CNTNAP2: variants seen among roughly 807,000 people sequenced by gnomAD.
CNTNAP2 encodes contactin associated protein 2.
CNTNAP2 carries 98 observed loss-of-function variants against 155.2 expected under a neutral mutation model. The observed-to-expected ratio is 0.63, with a 90% CI of 0.54 to 0.75. The LOEUF is 0.75. CNTNAP2 is among the 30% of genes least tolerant of loss of function. The pLI, the probability that CNTNAP2 is intolerant of heterozygous loss-of-function variation, is 0.00. For synonymous variants in CNTNAP2, 651 were observed against 631.2 expected, an observed-to-expected ratio of 1.03 and a Z score of -0.47; for missense variants, 1,727 against 1,688.1, an observed-to-expected ratio of 1.02 and a Z score of -0.40.
chr7:147,037,065 T>G (rs183403117), intron 3 of CNTNAP2, among the ~76,000 whole-genome samples: 1 of 152,160 alleles, frequency 6.6e-6, no homozygotes, highest in Admixed American at 6.5e-5. Flanking sequence ...TGCAGAGGAC[T>G]TTGGGTGCTG....
intron 15 of CNTNAP2, among the ~76,000 whole-genome samples, chr7:147,988,028 A>G (rs1019354395): frequency 6.6e-6 from 1 of 152,192 alleles, no homozygotes; most frequent in African/African-American, 2.4e-5. Context: ...ATGAGACATC[A>G]ATCAAATACA....
intron 20 of CNTNAP2, among the ~76,000 whole-genome samples, chr7:148,237,078 A>C (rs1469811509): frequency 6.6e-6 from 1 of 152,154 alleles, no homozygotes; most frequent in East Asian, 1.9e-4. Flanking sequence ...TCAAGTCCCT[A>C]ATATTCATTC....
chr7:146,784,979 T>A (rs976442953), intron 2 of CNTNAP2, among the ~76,000 whole-genome samples: 1 of 152,026 alleles, frequency 6.6e-6, no homozygotes, highest in Admixed American at 6.6e-5. Flanking sequence ...TTTGCTTTTT[T>A]TTTTTTTTTC....
chr7:146,671,433 A>ACACACACACACACC (rs1230476123), intron 1 of CNTNAP2, among the ~76,000 whole-genome samples: 1 of 151,342 alleles, frequency 6.6e-6, no homozygotes, highest in Non-Finnish European at 1.5e-5. Flanking sequence ...TGTCACTCAC[A>ACACACACACACACC]CACACACACA....
At chr7:147,162,708 T>A (rs989310384) in intron 8 of CNTNAP2, among the ~76,000 whole-genome samples, 1 of 152,106 alleles carries the variant, frequency 6.6e-6, no homozygotes, top group Non-Finnish European at 1.5e-5. Flanking sequence ...TTTCAGCACA[T>A]CTAGAAGCAT....
Position 146,846,633 on chromosome 7 carries a change from G to C in CNTNAP2, c.402+6729G>C, listed in dbSNP as rs139761785. Reference sequence around the variant, plus strand: ...GTATGGTGAGATTCTCATTTTCAAAGGTCATGAGGTTTCTTGGGACAATTT... The same window carrying C: ...GTATGGTGAGATTCTCATTTTCAAACGTCATGAGGTTTCTTGGGACAATTT... On this transcript the variant is annotated intron_variant, in intron 3 of 23. Coordinates refer to ENST00000361727, the MANE Select transcript of CNTNAP2 (RefSeq NM_014141.6). Among the ~76,000 whole-genome samples, 82 of 152,174 alleles carry C rather than the reference G, an allele frequency of 5.4e-4. 2 individuals are homozygous for C. The highest frequency in any genetic ancestry group is 3.9e-4 in the African/African-American group (16 of 41,540).
chr7:146,967,845 T>C (rs1227222646), intron 3 of CNTNAP2, among the ~76,000 whole-genome samples: 3 of 151,940 alleles, frequency 2.0e-5, no homozygotes, highest in African/African-American at 4.8e-5. Context: ...TCCAACACTA[T>C]GTTGAATAGG....
chr7:147,343,320 T>C (rs17170430), intron 9 of CNTNAP2, among the ~76,000 whole-genome samples: 30,376 of 151,998 alleles, frequency 0.2, 3,565 homozygotes, highest in African/African-American at 0.31. Context: ...ATATAATGAG[T>C]AGCTTACTTT....
intron 1 of CNTNAP2, among the ~76,000 whole-genome samples, chr7:146,270,565 AAG>A (rs1800065594): frequency 6.6e-6 from 1 of 152,190 alleles, no homozygotes; most frequent in Admixed American, 6.5e-5. Context: ...AGAAGAAAAG[AAG>A]ATAACTTTTA....
chr7:148,162,314 T>C (rs1440638724), intron 17 of CNTNAP2, among the ~76,000 whole-genome samples: 1 of 152,218 alleles, frequency 6.6e-6, no homozygotes, highest in Non-Finnish European at 1.5e-5. Flanking sequence ...GGCTGATATA[T>C]TTGACATCTG....
intron 1 of CNTNAP2, among the ~76,000 whole-genome samples, chr7:146,684,328 G>A (rs754877941): frequency 6.6e-6 from 1 of 152,042 alleles, no homozygotes; most frequent in Non-Finnish European, 1.5e-5. Context: ...TGAGCTAAGT[G>A]AGAATAAAAC....
chr7:146,579,461 C>A (rs1259148520), intron 1 of CNTNAP2, among the ~76,000 whole-genome samples: 1 of 152,064 alleles, frequency 6.6e-6, no homozygotes. Context: ...TCTTTGTGTG[C>A]CAAAATGCCA....
At chr7:146,382,956 A>G (rs1280266612) in intron 1 of CNTNAP2, among the ~76,000 whole-genome samples, 3 of 152,192 alleles carry the variant, frequency 2.0e-5, no homozygotes, top group Non-Finnish European at 4.4e-5. Flanking sequence ...GATTATTTTT[A>G]GTTAAAAAAT....
intron 8 of CNTNAP2, among the ~76,000 whole-genome samples, chr7:147,179,846 A>C (rs1466207806): frequency 6.6e-6 from 1 of 152,144 alleles, no homozygotes; most frequent in Non-Finnish European, 1.5e-5. Flanking sequence ...GTACTAGAGT[A>C]AGTGATCTTG....
At chr7:146,469,312 C>A (rs1796759742) in intron 1 of CNTNAP2, among the ~76,000 whole-genome samples, 1 of 151,938 alleles carries the variant, frequency 6.6e-6, no homozygotes, top group Non-Finnish European at 1.5e-5. Flanking sequence ...CAGTAGCCAT[C>A]CTGCACATCA....
In CNTNAP2 at chr7:147,618,640, ATATATATATAATAACAGCTAT is replaced by A. The variant is rs578231521; in HGVS notation, c.1898-20434_1898-20414del. ...GAATCAGGAAACAGCTATAAAATGT[ATATATATATAATAACAGCTAT>A]TATATATATAATAACAGCTATTATA... is the stretch of plus-strand genomic sequence containing the variant. On this transcript the variant is annotated intron_variant, in intron 12 of 23. Transcript: ENST00000361727. Among the ~76,000 whole-genome samples the A allele has an allele frequency of 1.8e-3, 272 of 150,518 alleles. 3 individuals carry two copies. The highest frequency in any genetic ancestry group is 0.013 in the South Asian group (62 of 4,794).
chr7:146,959,713 CAAA>C lies in CNTNAP2; in HGVS notation c.403-84176_403-84174del, dbSNP rs1176908836. ...CCAGCCTGGGCATCACAGCGAGTCT[CAAA>C]AAAAAAAAAAAAAAAAAGAAAGAAA... On this transcript the variant is annotated intron_variant, in intron 3 of 23. Coordinates refer to ENST00000361727, the MANE Select transcript of CNTNAP2 (RefSeq NM_014141.6). Among the ~76,000 whole-genome samples, 600 of 90,370 alleles carry C rather than the reference CAAA, an allele frequency of 6.6e-3. 3 individuals are homozygous for C. Among genetic ancestry groups the C allele is most frequent in the African/African-American group, 0.023 (564 of 24,762 alleles). The allele number at this position is 90,370 out of a possible 152,430, so 59.3% of individuals were successfully genotyped here. A position where few individuals can be genotyped will look rare whatever the true frequency, so the allele number is the denominator to read the frequency against.
intron 1 of CNTNAP2, among the ~76,000 whole-genome samples, chr7:146,483,322 T>TATATATATATAC (rs1563101792): frequency 7.0e-5 from 6 of 85,232 alleles, no homozygotes; most frequent in Non-Finnish European, 1.3e-4. Context: ...TATATATATA[T>TATATATATATAC]ATATATACAT....
chr7:147,108,486 CAGT>C, intron 5 of CNTNAP2, 136 bp downstream of exon 5: 2 of 767,118 alleles, frequency 2.6e-6, no homozygotes, highest in Non-Finnish European at 4.1e-6. Context: ...TAATCTATAA[CAGT>C]AGGTATATAA....
Sources: gnomAD v4.1 joint callset for allele counts (sites outside exome capture counted in the v4.1 genomes callset) on GRCh38, gnomAD v4.1.1 for gene constraint, MANE v1.5 for transcripts, NCBI Gene and HGNC (gene_info 2026-07-23, HGNC 2026-07-21) for gene names.